SEMA3D: variants seen among roughly 807,000 people sequenced by gnomAD.
The protein encoded by SEMA3D is semaphorin 3D, also known as semaphorin-3D.
In SEMA3D, 84 loss-of-function variants were observed where a neutral mutation model predicts 100.1. The ratio of observed to expected loss-of-function variants is 0.84; its 90% confidence interval spans 0.70 to 1.01. The LOEUF (loss-of-function observed/expected upper bound fraction) is 1.01. SEMA3D is among the 50% of genes least tolerant of loss of function. The probability of loss-of-function intolerance (pLI) is 0.00; values close to 1 mark genes in which losing one functional copy is unlikely to be tolerated. For synonymous variants in SEMA3D, 312 were observed against 320.7 expected (o/e 0.97, Z 0.29); for missense variants, 875 against 934.1 (o/e 0.94, Z 0.82).
upstream of SEMA3D, among the ~76,000 whole-genome samples, chr7:85,187,988 T>C (rs13239691): frequency 0.083 from 12,598 of 152,146 alleles, 712 homozygotes; most frequent in Non-Finnish European, 0.12. Flanking sequence ...GGTAGAGACA[T>C]GGAAAGCAAG....
At chr7:85,222,564 G>C in the SEMA3D span, among the ~76,000 whole-genome samples, 1 of 152,182 alleles carries the variant, frequency 6.6e-6, no homozygotes, top group East Asian at 1.9e-4. Flanking sequence ...AGTATGGCCA[G>C]AATTAATTGA....
Position 85,017,463 on chromosome 7 carries a change from C to G in SEMA3D, c.1545+789G>C, listed in dbSNP as rs73394633. On this transcript the variant is annotated intron_variant, in intron 15 of 18. Transcript: ENST00000284136. ...GTGAATGAACAAATAAATGACAAAG[C>G]CCTGAAGAAGAAAACTATTTAGATA... is the stretch of plus-strand genomic sequence containing the variant. 2.9e-3 allele frequency among the ~76,000 whole-genome samples: 435 copies of G among 151,716 alleles called. 2 individuals are homozygous for G. Among genetic ancestry groups the G allele is most frequent in the African/African-American group, 0.01 (419 of 41,458 alleles).
chr7:85,173,626 T>C lies in SEMA3D; in HGVS notation c.-173+13052A>G, dbSNP rs556852442. Among the ~76,000 whole-genome samples the C allele has an allele frequency of 4.6e-5, 7 of 152,260 alleles. No individual in the cohort carries two copies. In the South Asian group the frequency reaches 1.4e-3, roughly 32 times the overall value. ...GGAGTGGGAATTCGATCTATTGTAATATGCATAGTCTGTTTAAGAAAAAGA... is the reference window on the plus strand; with the variant it reads ...GGAGTGGGAATTCGATCTATTGTAACATGCATAGTCTGTTTAAGAAAAAGA... On this transcript the variant is annotated intron_variant, in intron 1 of 18. Coordinates refer to ENST00000284136, the MANE Select transcript of SEMA3D (RefSeq NM_001384900.1).
chr7:85,119,258 T>G (rs1789338370), intron 3 of SEMA3D, among the ~76,000 whole-genome samples: 1 of 152,180 alleles, frequency 6.6e-6, no homozygotes, highest in South Asian at 2.1e-4. Context: ...TGCAATCCCA[T>G]TACTGGGTAT....
At chr7:85,051,277 T>C (rs946103546) in intron 9 of SEMA3D, among the ~76,000 whole-genome samples, 1 of 151,940 alleles carries the variant, frequency 6.6e-6, no homozygotes. Flanking sequence ...AAGTTGAACA[T>C]TCACATCATC....
intron 1 of SEMA3D, among the ~76,000 whole-genome samples, chr7:85,179,408 A>G (rs918950208): frequency 1.3e-5 from 2 of 152,204 alleles, no homozygotes; most frequent in Admixed American, 6.5e-5. Context: ...TTGTATCAGC[A>G]TAACCTGGAT....
intron 1 of SEMA3D, among the ~76,000 whole-genome samples, chr7:85,186,325 C>T (rs866832351): frequency 7.2e-5 from 11 of 152,144 alleles, no homozygotes; most frequent in Non-Finnish European, 1.3e-4. Flanking sequence ...GGTGGGGGAA[C>T]CAGGAAGCCA....
At position 85,065,502 on chromosome 7, in the gene SEMA3D, C is replaced by G; in HGVS notation, c.640G>C (p.Ala214Pro). Residue 214 changes from alanine (A) to proline (P), a missense_variant, in exon 8 of 19, where the codon GCA (alanine) becomes CCA (proline). By Grantham distance (27) the Ala-to-Pro change is conservative. Coordinates refer to ENST00000284136, the MANE Select transcript of SEMA3D (RefSeq NM_001384900.1). ...TASDFLGKDT[A>P]FTRSLGPTHD... is the part of the protein sequence containing the mutation. The stretch of plus-strand genomic sequence containing the variant: ...GTAGGCCCAAGGGATCGAGTGAATG[C>G]AGTATCTTTGCCAAGGAAATCAGAA... The G allele has an allele frequency of 6.2e-7, 1 of 1,612,714 alleles. No individual in the cohort carries two copies. Among genetic ancestry groups the G allele is most frequent in the Non-Finnish European group, 8.5e-7 (1 of 1,178,906 alleles).
At chr7:85,235,518 A>G in the SEMA3D span, among the ~76,000 whole-genome samples, 1 of 152,188 alleles carries the variant, frequency 6.6e-6, no homozygotes, top group Non-Finnish European at 1.5e-5. Flanking sequence ...AAAGGAAGGT[A>G]ATGTTTAAAG....
intron 1 of SEMA3D, among the ~76,000 whole-genome samples, chr7:85,172,983 G>A (rs1456730227): frequency 6.6e-6 from 1 of 152,006 alleles, no homozygotes; most frequent in Non-Finnish European, 1.5e-5. Flanking sequence ...TACCTTTTTA[G>A]AAAAGGCATA....
At chr7:85,081,464 CTATCA>C in intron 5 of SEMA3D, 48 bp downstream of exon 5, 2 of 1,150,774 alleles carry the variant, frequency 1.7e-6, no homozygotes, top group Non-Finnish European at 2.6e-6. Context: ...TAAATATTTG[CTATCA>C]TATCAGTAGA....
intron 5 of SEMA3D, among the ~76,000 whole-genome samples, chr7:85,075,310 A>G (rs1178526299): frequency 1.3e-5 from 2 of 152,128 alleles, no homozygotes; most frequent in African/African-American, 4.8e-5. Flanking sequence ...TCCAGATTTT[A>G]AATTATGGAG....
chr7:85,187,874 T>A (rs2534871), upstream of SEMA3D, among the ~76,000 whole-genome samples: 2 of 151,996 alleles, frequency 1.3e-5, no homozygotes, highest in Non-Finnish European at 2.9e-5. Context: ...TGGTGAGCCC[T>A]GTACGTTAGG....
intron 1 of SEMA3D, among the ~76,000 whole-genome samples, chr7:85,178,752 G>T (rs1369131631): frequency 2.0e-5 from 3 of 152,180 alleles, no homozygotes; most frequent in African/African-American, 7.2e-5. Context: ...TAAACATGAA[G>T]ACAATGGGGA....
At chr7:85,184,545 G>C (rs1159829934) in intron 1 of SEMA3D, among the ~76,000 whole-genome samples, 2 of 151,174 alleles carry the variant, frequency 1.3e-5, no homozygotes, top group Non-Finnish European at 2.9e-5. Flanking sequence ...AATGACACTT[G>C]TATCATATTG....
intron 15 of SEMA3D, among the ~76,000 whole-genome samples, chr7:85,016,250 C>CTTTTTTTTT (rs59812080): frequency 7.8e-6 from 1 of 128,768 alleles, no homozygotes; most frequent in African/African-American, 2.8e-5. Flanking sequence ...TTTGTGATTC[C>CTTTTTTTTT]TTTTTTTTTT....
chr7:85,115,014 C>G (rs1789196229), intron 3 of SEMA3D, among the ~76,000 whole-genome samples: 1 of 152,098 alleles, frequency 6.6e-6, no homozygotes, highest in Admixed American at 6.5e-5. Context: ...CTACAAAAAT[C>G]AAATAATCTT....
chr7:85,028,647 A>C, intron 12 of SEMA3D: 1 of 202,064 alleles, frequency 4.9e-6, no homozygotes, highest in South Asian at 8.7e-5. Context: ...TGCTAAACAT[A>C]CTCTTCCAGC....
At chr7:85,101,668 A>T (rs1177965563) in intron 3 of SEMA3D, among the ~76,000 whole-genome samples, 1 of 152,028 alleles carries the variant, frequency 6.6e-6, no homozygotes, top group African/African-American at 2.4e-5. Flanking sequence ...TATAATAACA[A>T]TGATGTATTT....
Sources: gnomAD v4.1 joint callset for allele counts (sites outside exome capture counted in the v4.1 genomes callset) on GRCh38, gnomAD v4.1.1 for gene constraint, MANE v1.5 for transcripts, NCBI Gene and HGNC (gene_info 2026-07-23, HGNC 2026-07-21) for gene names.